The following TOGARAM1 variants were observed in gnomAD, a reference collection of about 807,000 sequenced individuals.
TOGARAM1 encodes TOG array regulator of axonemal microtubules protein 1.
A neutral mutation model predicts 166.6 loss-of-function variants in TOGARAM1; 100 were observed. That is an observed-to-expected ratio of 0.60 (90% CI 0.51 to 0.71). TOGARAM1 has a LOEUF of 0.71. TOGARAM1 is among the 30% of genes least tolerant of loss of function. The probability of loss-of-function intolerance (pLI) is 0.00; values close to 1 mark genes in which losing one functional copy is unlikely to be tolerated. For synonymous variants in TOGARAM1, 758 were observed against 763.8 expected (o/e 0.99, Z 0.13); for missense variants, 2,029 against 2,102.7 (o/e 0.96, Z 0.69).
rs572284112 is a variant in TOGARAM1 at position 44,997,812 on chromosome 14, AAAG to A, written c.2204-1539_2204-1537del. On this transcript the variant is annotated intron_variant, in intron 2 of 19. Coordinates refer to ENST00000361462, the MANE Select transcript of TOGARAM1 (RefSeq NM_001308120.2). ...AGTGAGACTCCGTCTCAAAAAAAAA[AAAG>A]AAGAAGAAGAAAGAGGTTGAGGAGG... Among the ~76,000 whole-genome samples, 339 of 152,266 alleles carry A rather than the reference AAAG, an allele frequency of 2.2e-3. 5 individuals carry two copies. The highest frequency in any genetic ancestry group is 6.7e-3 in the African/African-American group (277 of 41,544).
In TOGARAM1 at chr14:45,028,290, C is replaced by T. The variant is rs370236552; in HGVS notation, c.3619C>T (p.Arg1207Ter). The change falls in exon 10 of 20, where the codon CGA becomes TGA. Residue 1207 changes from arginine (R) to a stop codon, truncating the protein, a stop_gained. Transcript: ENST00000361462. LOFTEE classifies it high-confidence loss of function. ...AAAGAAGGAAAAAAATTCCTGGGAA[C>T]GAATGAGACATACAGGAACTGAGAA... ...CEKKEKNSWE[R>*]MRHTGTEKMA... 10 of 1,594,934 alleles carry T rather than the reference C, an allele frequency of 6.3e-6. No homozygotes were observed. The highest frequency in any genetic ancestry group is 2.7e-5 in the African/African-American group (2 of 72,868).
intron 16 of TOGARAM1, among the ~76,000 whole-genome samples, chr14:45,063,478 A>ATTTTT (rs1882992274): frequency 2.2e-5 from 3 of 134,026 alleles, no homozygotes; most frequent in African/African-American, 1.0e-4. Context: ...CATTTGACAA[A>ATTTTT]GTTTTTTTTT....
intron 4 of TOGARAM1, among the ~76,000 whole-genome samples, chr14:45,005,666 G>A (rs533977949): frequency 4.3e-4 from 66 of 152,142 alleles, no homozygotes; most frequent in Non-Finnish European, 7.5e-4. Flanking sequence ...AATCCTCTGC[G>A]TCCCTCATGA....
At chr14:45,021,078 T>C (rs1594663336) in intron 7 of TOGARAM1, among the ~76,000 whole-genome samples, 1 of 152,294 alleles carries the variant, frequency 6.6e-6, no homozygotes, top group East Asian at 1.9e-4. Context: ...TTAGGGGTGC[T>C]ATGTACCCGG....
intron 1 of TOGARAM1, among the ~76,000 whole-genome samples, chr14:44,972,764 T>C (rs1345720783): frequency 6.6e-6 from 1 of 152,146 alleles, no homozygotes; most frequent in Admixed American, 6.5e-5. Flanking sequence ...ATCTTTATAT[T>C]TAAAATGGGT....
intron 15 of TOGARAM1, 106 bp downstream of exon 15, chr14:45,052,668 T>A (rs1882433127): frequency 5.7e-6 from 6 of 1,061,508 alleles, no homozygotes; most frequent in Non-Finnish European, 6.6e-6. Context: ...TCTCTGTTAA[T>A]CATTTGGACT....
At chr14:45,012,207 T>TA in intron 7 of TOGARAM1, 132 bp downstream of exon 7, 1 of 541,582 alleles carries the variant, frequency 1.8e-6, no homozygotes, top group Non-Finnish European at 3.2e-6. Context: ...TTTTACTCCT[T>TA]AAAAGGTCCT....
chr14:44,995,498 A>G (rs1042942763), intron 1 of TOGARAM1: 5 of 506,198 alleles, frequency 9.9e-6, no homozygotes. Flanking sequence ...AGTCTGCTGT[A>G]GGATGGTAAG....
At chr14:44,998,302 T>C (rs779857445) in intron 2 of TOGARAM1, among the ~76,000 whole-genome samples, 2 of 152,246 alleles carry the variant, frequency 1.3e-5, no homozygotes, top group Non-Finnish European at 2.9e-5. Flanking sequence ...TAAGACAATA[T>C]GTAAGCTAAT....
intron 14 of TOGARAM1, among the ~76,000 whole-genome samples, chr14:45,051,056 T>C (rs1261198038): frequency 1.3e-5 from 2 of 152,216 alleles, no homozygotes; most frequent in African/African-American, 4.8e-5. Context: ...TGCTAAAATA[T>C]CTCCAGTATG....
chr14:44,962,834 G>A lies in TOGARAM1; in HGVS notation c.413G>A (p.Arg138Gln), dbSNP rs1375698453. Residue 138 changes from arginine to glutamine, a missense_variant, in exon 1 of 20, where the codon CGG becomes CAG. Coordinates refer to ENST00000361462, the MANE Select transcript of TOGARAM1 (RefSeq NM_001308120.2). Reference protein sequence around the residue: ...GFPRRKEALYRALGRVLVEGG... With the variant: ...GFPRRKEALYQALGRVLVEGG... The stretch of plus-strand genomic sequence containing the variant: ...CCCCGACGCAAGGAAGCTTTGTATC[G>A]GGCACTGGGCCGAGTGCTTGTGGAA... 6.2e-7 allele frequency: 1 copy of A among 1,613,126 alleles called. No homozygotes were observed. The highest frequency in any genetic ancestry group is 8.5e-7 in the Non-Finnish European group (1 of 1,180,022).
chr14:44,969,713 T>A (rs1009004530), intron 1 of TOGARAM1, among the ~76,000 whole-genome samples: 5 of 152,174 alleles, frequency 3.3e-5, no homozygotes, highest in Non-Finnish European at 7.3e-5. Flanking sequence ...CCATTTGGAG[T>A]TAATTTTTAT....
chr14:45,031,095 G>T (rs1176886908), intron 10 of TOGARAM1, among the ~76,000 whole-genome samples: 1 of 152,120 alleles, frequency 6.6e-6, no homozygotes, highest in Non-Finnish European at 1.5e-5. Context: ...AACATCAAGT[G>T]AAATCTCTTA....
At chr14:44,964,596 A>T in intron 1 of TOGARAM1, 129 bp downstream of exon 1, 3 of 1,078,574 alleles carry the variant, frequency 2.8e-6, no homozygotes, top group Non-Finnish European at 2.6e-6. Flanking sequence ...TTTTAAATCC[A>T]TCTGAATGTT....
chr14:45,060,771 A>T (rs1346686532), intron 16 of TOGARAM1, among the ~76,000 whole-genome samples: 1 of 152,218 alleles, frequency 6.6e-6, no homozygotes, highest in African/African-American at 2.4e-5. Context: ...AATTAAAAGA[A>T]GTTATGCAAG....
chr14:45,000,930 T>C (rs61707578), intron 3 of TOGARAM1, among the ~76,000 whole-genome samples: 24,274 of 152,040 alleles, frequency 0.16, 3,623 homozygotes, highest in African/African-American at 0.4. Context: ...GATGGGGTTC[T>C]ACTATGTTGC....
At position 45,025,880 on chromosome 14, in the gene TOGARAM1, A is replaced by T; in HGVS notation, c.3328+8A>T. ...TAGTAGTTGTTGGAAAAGGTATTTC[A>T]AAGTTATTTCGCTTCTTAATTATAT... On this transcript the variant is annotated splice_region_variant and intron_variant, in intron 8 of 19. Transcript: ENST00000361462. The T allele has an allele frequency of 1.4e-6, 2 of 1,479,726 alleles. No individual in the cohort carries two copies. Among genetic ancestry groups the T allele is most frequent in the Non-Finnish European group, 1.9e-6 (2 of 1,063,632 alleles). 91.7% of individuals were successfully genotyped at this position (1,479,726 alleles called of 1,614,324 possible).
intron 11 of TOGARAM1, among the ~76,000 whole-genome samples, chr14:45,040,236 G>A (rs1247514173): frequency 6.6e-6 from 1 of 151,796 alleles, no homozygotes; most frequent in Non-Finnish European, 1.5e-5. Context: ...GAAATCAAAA[G>A]GAAAATTACA....
chr14:45,020,688 C>T (rs1009435580), intron 7 of TOGARAM1, among the ~76,000 whole-genome samples: 2 of 152,238 alleles, frequency 1.3e-5, no homozygotes, highest in South Asian at 4.1e-4. Context: ...GTACCACAGA[C>T]AAAAAATATT....
Sources: allele counts gnomAD v4.1 joint callset (sites outside exome capture counted in the v4.1 genomes callset), GRCh38; gene constraint gnomAD v4.1.1; transcripts MANE v1.5; gene names NCBI Gene and HGNC (gene_info 2026-07-23, HGNC 2026-07-21).